The following TENM2 variants were observed in gnomAD, a reference collection of about 807,000 sequenced individuals.
The protein encoded by TENM2 is teneurin-2.
In TENM2, 52 loss-of-function variants were observed where a neutral mutation model predicts 245.2. The ratio of observed to expected loss-of-function variants is 0.21; its 90% CI spans 0.17 to 0.27. The LOEUF is 0.27. Ranked by LOEUF, TENM2 falls within the 10% of genes least tolerant of loss-of-function variation. The pLI is 1.00. For synonymous variants in TENM2, 1,363 were observed against 1,438.9 expected, an observed-to-expected ratio of 0.95 and a Z score of 1.19; for missense variants, 3,046 against 3,666.8, an observed-to-expected ratio of 0.83 and a Z score of 4.37.
At chr5:166,984,841 T>C in the TENM2 span, among the ~76,000 whole-genome samples, 1 of 152,126 alleles carries the variant, frequency 6.6e-6, no homozygotes, top group Admixed American at 6.6e-5. Context: ...TAAGAGTATA[T>C]AGTTATATAT....
chr5:167,173,577 G>C, the TENM2 span, among the ~76,000 whole-genome samples: 11 of 152,248 alleles, frequency 7.2e-5, no homozygotes, highest in African/African-American at 2.4e-4. Context: ...TTGGAACCTT[G>C]ATTTTTTTGG....
intron 7 of TENM2, chr5:168,085,306 C>T (rs781765360): frequency 5.3e-5 from 8 of 152,184 alleles, no homozygotes; most frequent in Non-Finnish European, 1.0e-4. Flanking sequence ...AAGATAAATT[C>T]TCCCCAGCTG....
At chr5:167,748,813 G>A (rs552027014) in intron 2 of TENM2, among the ~76,000 whole-genome samples, 11 of 152,064 alleles carry the variant, frequency 7.2e-5, no homozygotes, top group East Asian at 3.9e-4. Context: ...TGAGAACAGC[G>A]CGGCGGAAAC....
chr5:167,914,345 G>A (rs1269542038), intron 3 of TENM2, among the ~76,000 whole-genome samples: 2 of 152,206 alleles, frequency 1.3e-5, no homozygotes, highest in African/African-American at 2.4e-5. Context: ...AAGGACGCCT[G>A]CATTCCTTGG....
chr5:167,504,769 G>T (rs891721481), intron 2 of TENM2, among the ~76,000 whole-genome samples: 1 of 152,076 alleles, frequency 6.6e-6, no homozygotes, highest in Non-Finnish European at 1.5e-5. Context: ...CCTGTTACTC[G>T]CAAGAGGTAG....
Position 167,854,398 on chromosome 5 carries a change from CT to C in TENM2, c.503-21584del, listed in dbSNP as rs1305216024. 2.5e-4 allele frequency among the ~76,000 whole-genome samples: 38 copies of C among 152,312 alleles called. 1 individual carries two copies. The highest frequency in any genetic ancestry group is 8.2e-4 in the African/African-American group (34 of 41,574). ...TCTCTATCCCTGTATATGTTGAGCA[CT>C]TTTAACTCTGAAATATGTGCTGCGT... is the stretch of plus-strand genomic sequence containing the variant. On this transcript the variant is annotated intron_variant, in intron 2 of 28. Coordinates refer to ENST00000518659, the Ensembl canonical transcript of TENM2.
chr5:167,575,614 G>T (rs1356526242), intron 2 of TENM2, among the ~76,000 whole-genome samples: 2 of 151,992 alleles, frequency 1.3e-5, no homozygotes, highest in African/African-American at 4.8e-5. Context: ...ATGGACTGTG[G>T]GTCTGATCAT....
chr5:167,769,517 T>A (rs1013520418), intron 2 of TENM2, among the ~76,000 whole-genome samples: 8 of 152,260 alleles, frequency 5.3e-5, no homozygotes, highest in African/African-American at 1.9e-4. Context: ...ACTATGGCAG[T>A]TTTGTTTTCT....
the TENM2 span, among the ~76,000 whole-genome samples, chr5:167,200,995 G>A: frequency 6.6e-6 from 1 of 152,158 alleles, no homozygotes; most frequent in Non-Finnish European, 1.5e-5. Context: ...AGGAAAGAGT[G>A]AGGAGAAAGA....
At chr5:167,944,963 G>C (rs78560597) in intron 3 of TENM2, among the ~76,000 whole-genome samples, 2,530 of 152,282 alleles carry the variant, frequency 0.017, 30 homozygotes, top group Non-Finnish European at 0.026. Context: ...CCATCTCCCT[G>C]TTAAAGGAGC....
chr5:167,009,289 G>A, the TENM2 span, among the ~76,000 whole-genome samples: 1 of 152,080 alleles, frequency 6.6e-6, no homozygotes, highest in African/African-American at 2.4e-5. Flanking sequence ...CTGAGCAAAG[G>A]CATAGAAGCA....
intron 2 of TENM2, among the ~76,000 whole-genome samples, chr5:167,585,874 C>T (rs1775454128): frequency 1.3e-5 from 2 of 151,992 alleles, no homozygotes; most frequent in African/African-American, 2.4e-5. Flanking sequence ...CCTGTAATTC[C>T]AGCATTTTGG....
At chr5:168,252,309 T>C (rs1015422190) in intron 27 of TENM2, among the ~76,000 whole-genome samples, 3 of 146,804 alleles carry the variant, frequency 2.0e-5, no homozygotes, top group Non-Finnish European at 4.5e-5. Flanking sequence ...GCCCAGGAGA[T>C]TGAGGTTGCA....
chr5:167,359,339 G>C (rs1303032430), intron 1 of TENM2, among the ~76,000 whole-genome samples: 1 of 152,114 alleles, frequency 6.6e-6, no homozygotes, highest in Non-Finnish European at 1.5e-5. Context: ...AATGTGCCAG[G>C]CATGCTCCTT....
At chr5:167,669,877 TAA>T (rs933355063) in intron 2 of TENM2, among the ~76,000 whole-genome samples, 43 of 151,060 alleles carry the variant, frequency 2.8e-4, no homozygotes, top group Non-Finnish European at 5.6e-4. Flanking sequence ...TTTTTTTAAA[TAA>T]AAGACTATTA....
At chr5:167,700,461 A>T (rs1758064501) in intron 2 of TENM2, among the ~76,000 whole-genome samples, 1 of 152,166 alleles carries the variant, frequency 6.6e-6, no homozygotes. Context: ...ACTAACATGC[A>T]TGGTAGCTTT....
At chr5:168,143,955 T>C (rs1158113018) in intron 12 of TENM2, among the ~76,000 whole-genome samples, 4 of 149,002 alleles carry the variant, frequency 2.7e-5, no homozygotes, top group African/African-American at 7.4e-5. Flanking sequence ...GTTCAAGAGA[T>C]TCTCCTGCCT....
At chr5:167,931,944 G>C (rs1287901654) in intron 3 of TENM2, among the ~76,000 whole-genome samples, 1 of 152,222 alleles carries the variant, frequency 6.6e-6, no homozygotes, top group Non-Finnish European at 1.5e-5. Context: ...ACCTCTATGA[G>C]TGTTCTAAAG....
At chr5:168,248,501 G>T (rs1766803858) in intron 27 of TENM2, 130 bp downstream of exon 29, 2 of 903,744 alleles carry the variant, frequency 2.2e-6, no homozygotes, top group African/African-American at 3.4e-5. Flanking sequence ...AGGCAGTGCA[G>T]TTGGCAGCAC....
Sources: allele counts gnomAD v4.1 joint callset (sites outside exome capture counted in the v4.1 genomes callset), GRCh38; gene constraint gnomAD v4.1.1; transcripts MANE v1.5; gene names NCBI Gene and HGNC (gene_info 2026-07-23, HGNC 2026-07-21).